Variants in SULF2 observed in about 807,000 individuals in gnomAD.
SULF2 encodes the protein extracellular sulfatase Sulf-2.
In SULF2, 52 loss-of-function variants were observed where a neutral mutation model predicts 107.7. The ratio of observed to expected loss-of-function variants is 0.48; its 90% CI spans 0.39 to 0.61. The LOEUF is 0.61. Ranked by LOEUF, SULF2 falls within the 20% of genes least tolerant of loss-of-function variation. SULF2 has a pLI of 0.00. For synonymous variants in SULF2, 460 were observed against 464.3 expected (o/e 0.99, Z 0.12); for missense variants, 993 against 1,177.3 (o/e 0.84, Z 2.29).
chr20:47,780,076 G>A (rs1392199764), intron 1 of SULF2, among the ~76,000 whole-genome samples: 1 of 146,018 alleles, frequency 6.8e-6, no homozygotes, highest in African/African-American at 2.6e-5. Context: ...GAATGCAGAA[G>A]TGTGATCCCG....
chr20:47,677,271 C>T (rs949641636), intron 8 of SULF2, 137 bp from the exon 9 acceptor site: 1 of 893,968 alleles, frequency 1.1e-6, no homozygotes. Context: ...GTGAGTGTGC[C>T]CAGCTGGGCA....
intron 6 of SULF2, 29 bp downstream of exon 6, chr20:47,684,402 C>T (rs1221320801): frequency 6.3e-7 from 1 of 1,580,212 alleles, no homozygotes; most frequent in Admixed American, 1.8e-5. Context: ...GGAGCCACGC[C>T]CACCAAGAGG....
intron 2 of SULF2, among the ~76,000 whole-genome samples, chr20:47,744,650 T>C (rs534596406): frequency 1.3e-4 from 20 of 152,270 alleles, no homozygotes; most frequent in African/African-American, 4.6e-4. Flanking sequence ...GTGATCCTCC[T>C]GCCTTGGCCT....
At chr20:47,730,205 A>G (rs2146748723) in intron 3 of SULF2, among the ~76,000 whole-genome samples, 1 of 152,298 alleles carries the variant, frequency 6.6e-6, no homozygotes, top group South Asian at 2.1e-4. Flanking sequence ...AGCCCTGGCA[A>G]GGCCTGGTCT....
chr20:47,671,409 G>A (rs572572637), intron 11 of SULF2, among the ~76,000 whole-genome samples: 1 of 152,108 alleles, frequency 6.6e-6, no homozygotes, highest in Non-Finnish European at 1.5e-5. Context: ...GGGTTCAAGC[G>A]ACTCTGCTGC....
intron 3 of SULF2, among the ~76,000 whole-genome samples, chr20:47,712,391 G>C (rs78719284): frequency 8.1e-4 from 124 of 152,356 alleles, no homozygotes; most frequent in African/African-American, 2.9e-3. Context: ...CAGGTCAGAT[G>C]AGAAGTTGTC....
chr20:47,736,739 A>G lies in SULF2; in HGVS notation c.379T>C (p.Phe127Leu). ...SWQAQHESRT[F>L]AVYLNSTGYR... The stretch of plus-strand genomic sequence containing the variant: ...CCAGTGCTATTGAGGTACACGGCAA[A>G]GGTGCGGCTCTCGTGCTGTGCCTGC... Residue 127 changes from phenylalanine (F) to leucine (L), a missense_variant, in exon 3 of 21, where the codon TTT (phenylalanine) becomes CTT (leucine). Phe to Leu is a conservative substitution (Grantham distance 22, BLOSUM62 0). Around this residue, in one of 3 missense-constraint regions of SULF2, gnomAD observed 388 missense variants for 449.2 expected, o/e 0.86. Coordinates refer to ENST00000688720, the MANE Select transcript of SULF2 (RefSeq NM_001387048.1). The G allele has an allele frequency of 6.2e-7, 1 of 1,614,192 alleles. No homozygotes were observed. Among genetic ancestry groups the G allele is most frequent in the Non-Finnish European group, 8.5e-7 (1 of 1,180,022 alleles).
At chr20:47,764,478 A>G (rs2090486509) in intron 1 of SULF2, among the ~76,000 whole-genome samples, 1 of 152,210 alleles carries the variant, frequency 6.6e-6, no homozygotes, top group Admixed American at 6.5e-5. Flanking sequence ...ACTGCAGGGC[A>G]GCGCATGTGA....
chr20:47,751,486 GAGA>G (rs1184266274), intron 2 of SULF2, among the ~76,000 whole-genome samples: 1 of 152,208 alleles, frequency 6.6e-6, no homozygotes, highest in Non-Finnish European at 1.5e-5. Flanking sequence ...TTCTAGGTGA[GAGA>G]AGCTCTCTTT....
intron 11 of SULF2, among the ~76,000 whole-genome samples, chr20:47,669,533 C>A (rs903365670): frequency 1.1e-4 from 17 of 152,312 alleles, no homozygotes; most frequent in African/African-American, 3.6e-4. Flanking sequence ...GACAGAAAGC[C>A]CCCAGTTCAG....
At chr20:47,719,851 G>A (rs4810666) in intron 3 of SULF2, among the ~76,000 whole-genome samples, 141,057 of 152,340 alleles carry the variant, frequency 0.93, 65,583 homozygotes, top group Middle Eastern at 0.99. Flanking sequence ...AGAAAACTTT[G>A]TAAAACCTGG....
intron 6 of SULF2, chr20:47,684,221 G>A (rs2087920930): frequency 1.9e-6 from 1 of 521,116 alleles, no homozygotes; most frequent in Non-Finnish European, 3.3e-6. Context: ...ACCGTATTGG[G>A]CAACACAGAT....
At chr20:47,702,737 G>A (rs2088613050) in intron 3 of SULF2, 67 bp from the exon 4 acceptor site, 1 of 1,533,518 alleles carries the variant, frequency 6.5e-7, no homozygotes, top group African/African-American at 1.4e-5. Context: ...AAACTATTGT[G>A]TGTCCGAGGC....
intron 1 of SULF2, among the ~76,000 whole-genome samples, chr20:47,772,085 A>G (rs1001520005): frequency 2.0e-5 from 3 of 152,238 alleles, no homozygotes; most frequent in East Asian, 1.9e-4. Flanking sequence ...TGAATTTTTA[A>G]AAGTCTGGTA....
chr20:47,663,661 A>G (rs1471814045), intron 15 of SULF2, 39 bp from the exon 16 acceptor site: 1 of 1,527,770 alleles, frequency 6.5e-7, no homozygotes, highest in African/African-American at 1.4e-5. Flanking sequence ...TGGGCCTCTG[A>G]GGGATCAGTG....
rs1053926646 is a variant in SULF2, at chr20:47,658,309, C to T, written c.*53G>A. 2 of 1,596,780 alleles carry T rather than the reference C, an allele frequency of 1.3e-6. No homozygotes were observed. Among genetic ancestry groups the T allele is most frequent in the South Asian group, 2.2e-5 (2 of 90,728 alleles). Reference sequence around the variant, plus strand: ...AATCACCCACATGGTTTTTCATTGCCTGTGCAGTCAGGTGATGCCTCTATG... The same window carrying T: ...AATCACCCACATGGTTTTTCATTGCTTGTGCAGTCAGGTGATGCCTCTATG... On this transcript the variant is annotated 3_prime_UTR_variant, in exon 21 of 21. Coordinates refer to ENST00000688720, the MANE Select transcript of SULF2 (RefSeq NM_001387048.1).
chr20:47,663,221 GA>G lies in SULF2; in HGVS notation c.2228-10del, dbSNP rs769381538. 3.7e-6 allele frequency: 6 copies of G among 1,613,866 alleles called. No homozygotes were observed. The highest frequency in any genetic ancestry group is 1.1e-5 in the South Asian group (1 of 91,082). On this transcript the variant is annotated splice_polypyrimidine_tract_variant and intron_variant, in intron 16 of 20. Transcript: ENST00000688720. Reference sequence around the variant, plus strand: ...GGCACAGAAAGGCCCCACTGCCAAGGAAGAGAGAGCATGTCCTGAGTGCCTG... The same window carrying G: ...GGCACAGAAAGGCCCCACTGCCAAGGAGAGAGAGCATGTCCTGAGTGCCTG...
At position 47,666,885 on chromosome 20, in the gene SULF2, C is replaced by T. The variant is rs1040817473; in HGVS notation, c.1577-397G>A. ...GGAGTGAAACCAGCCAGACACAAAG[C>T]GGGCTCGTATTGTTACATTCTATTT... On this transcript the variant is annotated intron_variant, in intron 11 of 20. Transcript: ENST00000688720. This position sits in a 1 kb window ranked among gnomAD's most constrained non-coding sequence, Gnocchi z 5.4. Among the ~76,000 whole-genome samples the T allele has an allele frequency of 2.6e-5, 4 of 152,190 alleles. No homozygotes were observed. The highest frequency in any genetic ancestry group is 6.5e-5 in the Admixed American group (1 of 15,280).
intron 3 of SULF2, among the ~76,000 whole-genome samples, chr20:47,729,513 G>C (rs1228152310): frequency 6.6e-6 from 1 of 152,234 alleles, no homozygotes; most frequent in African/African-American, 2.4e-5. Flanking sequence ...TGGCAGCAGA[G>C]GGGACTCTGG....
Sources: allele counts gnomAD v4.1 joint callset (sites outside exome capture counted in the v4.1 genomes callset), GRCh38; gene constraint gnomAD v4.1.1; regional missense constraint gnomAD v4.1.1; non-coding constraint Gnocchi (gnomAD v3.1); transcripts MANE v1.5; gene names NCBI Gene and HGNC (gene_info 2026-07-23, HGNC 2026-07-21).